DSTYK: variants seen among roughly 807,000 people sequenced by gnomAD.
DSTYK encodes RIP-homologous kinase.
Under a neutral mutation model 98.7 loss-of-function variants are expected in DSTYK, and 34 were observed. That is an observed-to-expected ratio of 0.34 (90% CI 0.26 to 0.46). DSTYK has a LOEUF of 0.46. Ranked by LOEUF, DSTYK falls within the 20% of genes least tolerant of loss-of-function variation. The pLI is 1.00. For synonymous variants in DSTYK, 462 were observed against 457.3 expected, an observed-to-expected ratio of 1.01 and a Z score of -0.13; for missense variants, 962 against 1,181.7, an observed-to-expected ratio of 0.81 and a Z score of 2.73.
chr1:205,207,949 TCAC>T (rs1659259012), intron 1 of DSTYK, among the ~76,000 whole-genome samples: 1 of 152,002 alleles, frequency 6.6e-6, no homozygotes, highest in South Asian at 2.1e-4. Context: ...TGATTTCGGC[TCAC>T]CACAACCTCC....
At chr1:205,163,237 T>C (rs543248268) in intron 4 of DSTYK, among the ~76,000 whole-genome samples, 1 of 152,186 alleles carries the variant, frequency 6.6e-6, no homozygotes, top group Non-Finnish European at 1.5e-5. Flanking sequence ...TTTTATTTTT[T>C]AGACAGAGTT....
intron 3 of DSTYK, among the ~76,000 whole-genome samples, chr1:205,167,967 A>C (rs1657938285): frequency 6.6e-6 from 1 of 152,118 alleles, no homozygotes; most frequent in South Asian, 2.1e-4. Flanking sequence ...TTAGCCGGGA[A>C]CGGTGGCACA....
chr1:205,162,866 T>A, intron 5 of DSTYK, 57 bp downstream of exon 5: 1 of 1,298,172 alleles, frequency 7.7e-7, no homozygotes, highest in African/African-American at 1.5e-5. Flanking sequence ...GGGGTCACTA[T>A]GATTCATTTG....
intron 10 of DSTYK, among the ~76,000 whole-genome samples, chr1:205,153,171 T>C (rs1657451996): frequency 6.6e-6 from 1 of 152,242 alleles, no homozygotes; most frequent in African/African-American, 2.4e-5. Context: ...CTGTCAATTT[T>C]AGGGAGATCG....
rs554197975 is a variant in DSTYK at position 205,169,835 on chromosome 1, G to A, written c.655-3C>T. ...GGTGCTACCACAACGTCCACTTCCT[G>A]GAAGGGGAAGGGGGTCATATATCAG... On this transcript the variant is annotated splice_region_variant and splice_polypyrimidine_tract_variant and intron_variant, in intron 2 of 12. Coordinates refer to ENST00000367162, the MANE Select transcript of DSTYK (RefSeq NM_015375.3). This position sits in a 1 kb window ranked among gnomAD's most constrained non-coding sequence, Gnocchi z 4.0. 2.3e-4 allele frequency: 362 copies of A among 1,605,724 alleles called. 8 individuals are homozygous for A. In the South Asian group the frequency reaches 3.6e-3, roughly 16 times the overall value.
intron 1 of DSTYK, among the ~76,000 whole-genome samples, chr1:205,196,758 ATTTT>A (rs113524415): frequency 9.1e-6 from 1 of 109,858 alleles, no homozygotes; most frequent in African/African-American, 3.7e-5. Context: ...AAAATGGTGA[ATTTT>A]TTTTTTTTTT....
chr1:205,207,473 G>A (rs1049330168), intron 1 of DSTYK, among the ~76,000 whole-genome samples: 18 of 151,096 alleles, frequency 1.2e-4, no homozygotes, highest in Non-Finnish European at 1.9e-4. Flanking sequence ...TTCCCATGCC[G>A]GGCACAGTGG....
At chr1:205,182,627 G>A (rs1433964732) in intron 2 of DSTYK, among the ~76,000 whole-genome samples, 5 of 151,226 alleles carry the variant, frequency 3.3e-5, no homozygotes, top group African/African-American at 1.2e-4. Context: ...CCAACATGGC[G>A]AAACCCCATC....
chr1:205,190,332 T>A (rs2102455722), intron 1 of DSTYK, among the ~76,000 whole-genome samples: 1 of 152,160 alleles, frequency 6.6e-6, no homozygotes, highest in African/African-American at 2.4e-5. Context: ...GATAAAAGAA[T>A]AGGACCCTTC....
intron 3 of DSTYK, among the ~76,000 whole-genome samples, chr1:205,164,554 C>T (rs1196949154): frequency 2.6e-5 from 4 of 151,764 alleles, no homozygotes; most frequent in African/African-American, 7.3e-5. Context: ...CTCCGCCTCC[C>T]GAGTTCAAGC....
In DSTYK at chr1:205,150,850, C is replaced by T; in HGVS notation, c.2353-56G>A. 7.2e-7 allele frequency: 1 copy of T among 1,388,764 alleles called. No homozygotes were observed. Among genetic ancestry groups the T allele is most frequent in the Non-Finnish European group, 1.0e-6 (1 of 976,302 alleles). The allele number at this position is 1,388,764 out of a possible 1,614,324, so 86.0% of individuals were successfully genotyped here. ...GTTTCTGATCCTGCACACAGCACTG[C>T]TGCGTACCTAAGCTCAAAGGTAGGT... is the stretch of plus-strand genomic sequence containing the variant. On this transcript the variant is annotated intron_variant, in intron 10 of 12. Transcript: ENST00000367162. This position sits in a 1 kb window ranked among gnomAD's most constrained non-coding sequence, Gnocchi z 4.1.
chr1:205,167,606 G>T (rs1657927535), intron 3 of DSTYK, among the ~76,000 whole-genome samples: 1 of 152,186 alleles, frequency 6.6e-6, no homozygotes. Context: ...GAAAATACAG[G>T]AAAGTGCATA....
chr1:205,179,430 C>T (rs1010435158), intron 2 of DSTYK, among the ~76,000 whole-genome samples: 1 of 151,538 alleles, frequency 6.6e-6, no homozygotes, highest in Non-Finnish European at 1.5e-5. Context: ...AGCATCCTGG[C>T]TAACGCGGTT....
chr1:205,173,999 C>T (rs566715118), intron 2 of DSTYK, among the ~76,000 whole-genome samples: 235 of 152,100 alleles, frequency 1.5e-3, no homozygotes, highest in Non-Finnish European at 2.8e-3. Flanking sequence ...GGATTATAGG[C>T]GTGAGCCACC....
chr1:205,188,853 A>G (rs1265437775), intron 1 of DSTYK, among the ~76,000 whole-genome samples: 5 of 152,186 alleles, frequency 3.3e-5, no homozygotes, highest in Admixed American at 6.5e-5. Context: ...AATACCTCCT[A>G]ATCAAATCAC....
chr1:205,153,489 A>G (rs1355050839), intron 10 of DSTYK, among the ~76,000 whole-genome samples: 2 of 152,204 alleles, frequency 1.3e-5, no homozygotes, highest in Non-Finnish European at 2.9e-5. Context: ...TATTTCCTGG[A>G]TTGGATCCTG....
chr1:205,182,078 G>GGTTAGCAAAAAA (rs1658423259), intron 2 of DSTYK, among the ~76,000 whole-genome samples: 1 of 152,018 alleles, frequency 6.6e-6, no homozygotes, highest in Non-Finnish European at 1.5e-5. Flanking sequence ...ATTAAAAACA[G>GGTTAGCAAAAAA]GTTAGCAAAA....
At chr1:205,161,552 A>G (rs929601817) in intron 6 of DSTYK, among the ~76,000 whole-genome samples, 165 bp from the exon 7 acceptor site, 1 of 152,230 alleles carries the variant, frequency 6.6e-6, no homozygotes, top group Non-Finnish European at 1.5e-5. Flanking sequence ...TAGACTCTCA[A>G]TAAATAATAA....
chr1:205,201,199 T>C (rs1659027072), intron 1 of DSTYK, among the ~76,000 whole-genome samples: 1 of 152,092 alleles, frequency 6.6e-6, no homozygotes, highest in African/African-American at 2.4e-5. Flanking sequence ...GCCACCATGA[T>C]GGCCCAGTTG....
Sources: allele counts gnomAD v4.1 joint callset (sites outside exome capture counted in the v4.1 genomes callset), GRCh38; gene constraint gnomAD v4.1.1; non-coding constraint Gnocchi (gnomAD v3.1); transcripts MANE v1.5; gene names NCBI Gene and HGNC (gene_info 2026-07-23, HGNC 2026-07-21).